ADAMTS20: variants seen among roughly 807,000 people sequenced by gnomAD.
ADAMTS20 encodes A disintegrin and metalloproteinase with thrombospondin motifs 20.
In ADAMTS20, 225 loss-of-function variants were observed where a neutral mutation model predicts 260.1. That is an observed-to-expected ratio of 0.87 (90% CI 0.78 to 0.97). The LOEUF is 0.97. Ranked by LOEUF, ADAMTS20 falls within the 50% of genes least tolerant of loss-of-function variation. The pLI is 0.00. For synonymous variants in ADAMTS20, 802 were observed against 769.5 expected (o/e 1.04, Z -0.70); for missense variants, 2,400 against 2,337.7 (o/e 1.03, Z -0.55).
In ADAMTS20 at chr12:43,460,988, A is replaced by ATTTT. The variant is rs1161740021; in HGVS notation, c.1614+1903_1614+1906dup. On this transcript the variant is annotated intron_variant, in intron 11 of 38. Coordinates refer to ENST00000389420, the MANE Select transcript of ADAMTS20 (RefSeq NM_025003.5). ...ATTATATATATATATATATATATAT[A>ATTTT]TTTTTTTTTTTTTTTTTTTTTTTGA... Among the ~76,000 whole-genome samples, 20 of 26,396 alleles carry ATTTT rather than the reference A, an allele frequency of 7.6e-4. 1 individual carries two copies. Among genetic ancestry groups the ATTTT allele is most frequent in the African/African-American group, 1.4e-3 (11 of 7,828 alleles). 17.3% of individuals were successfully genotyped at this position (26,396 alleles called of 152,430 possible). A position where few individuals can be genotyped will look rare whatever the true frequency, so the allele number is the denominator to read the frequency against.
chr12:43,480,835 G>A (rs1027105000), intron 7 of ADAMTS20, among the ~76,000 whole-genome samples: 6 of 152,216 alleles, frequency 3.9e-5, no homozygotes, highest in African/African-American at 1.4e-4. Flanking sequence ...AGGGAATGGG[G>A]AAGTTCTTAG....
intron 3 of ADAMTS20, among the ~76,000 whole-genome samples, chr12:43,519,464 A>T (rs576091604): frequency 3.3e-5 from 5 of 151,680 alleles, no homozygotes; most frequent in South Asian, 2.1e-4. Context: ...ATGAACAAAT[A>T]AAAAAAAACC....
At chr12:43,518,369 C>G (rs1399618731) in intron 3 of ADAMTS20, among the ~76,000 whole-genome samples, 1 of 152,118 alleles carries the variant, frequency 6.6e-6, no homozygotes, top group Non-Finnish European at 1.5e-5. Context: ...ATCAGTCCTA[C>G]CTTCTTGTAA....
chr12:43,550,845 C>G (rs1005152396), intron 2 of ADAMTS20, 64 bp downstream of exon 2: 8 of 1,457,586 alleles, frequency 5.5e-6, no homozygotes, highest in South Asian at 1.5e-5. Context: ...CCCAAGGCCC[C>G]GTTCGCTGAA....
chr12:43,520,055 A>T (rs1461305130), intron 3 of ADAMTS20, among the ~76,000 whole-genome samples: 1 of 152,206 alleles, frequency 6.6e-6, no homozygotes, highest in Non-Finnish European at 1.5e-5. Context: ...AGCCTGTATT[A>T]TATTTGCTAA....
downstream of ADAMTS20, among the ~76,000 whole-genome samples, chr12:43,353,026 C>T (rs183958267): frequency 9.9e-5 from 15 of 152,088 alleles, no homozygotes; most frequent in East Asian, 2.7e-3. Flanking sequence ...AAAAAAAGTA[C>T]ACTAGTATTC....
intron 28 of ADAMTS20, among the ~76,000 whole-genome samples, chr12:43,410,877 T>A (rs185309125): frequency 7.1e-4 from 108 of 152,356 alleles, no homozygotes; most frequent in Non-Finnish European, 1.3e-3. Context: ...TATTGTATTA[T>A]GTATGGCCTC....
intron 2 of ADAMTS20, among the ~76,000 whole-genome samples, chr12:43,538,274 T>C (rs1201659599): frequency 6.6e-6 from 1 of 152,236 alleles, no homozygotes; most frequent in Non-Finnish European, 1.5e-5. Flanking sequence ...ATCAATGATG[T>C]TGAGCATCTT....
intron 35 of ADAMTS20, 140 bp downstream of exon 35, chr12:43,375,917 T>C: frequency 3.1e-6 from 2 of 654,386 alleles, no homozygotes; most frequent in Non-Finnish European, 5.2e-6. Context: ...CAACATCTAG[T>C]TTAGGTCCTA....
At chr12:43,397,832 A>G (rs922106414) in intron 29 of ADAMTS20, among the ~76,000 whole-genome samples, 1 of 152,188 alleles carries the variant, frequency 6.6e-6, no homozygotes, top group Non-Finnish European at 1.5e-5. Context: ...CCAGCACATT[A>G]ACACTTGACA....
intron 7 of ADAMTS20, among the ~76,000 whole-genome samples, 158 bp downstream of exon 7, chr12:43,490,237 A>T (rs564460212): frequency 1.3e-5 from 2 of 152,184 alleles, no homozygotes; most frequent in South Asian, 4.1e-4. Context: ...TGTAAAATTT[A>T]CAGCAGCAGA....
At chr12:43,439,425 A>C (rs1788649185) in intron 18 of ADAMTS20, among the ~76,000 whole-genome samples, 197 bp downstream of exon 18, 1 of 152,244 alleles carries the variant, frequency 6.6e-6, no homozygotes, top group Non-Finnish European at 1.5e-5. Flanking sequence ...AGCATTAAAT[A>C]GTGCTGTTAA....
intron 38 of ADAMTS20, 38 bp downstream of exon 38, chr12:43,356,446 A>T (rs1939744290): frequency 8.9e-6 from 12 of 1,350,376 alleles, no homozygotes; most frequent in Non-Finnish European, 1.2e-5. Context: ...ATAGCTCAGA[A>T]GTATTTCAAA....
At chr12:43,524,568 G>GAAT (rs1452764002) in intron 3 of ADAMTS20, among the ~76,000 whole-genome samples, 2 of 151,558 alleles carry the variant, frequency 1.3e-5, no homozygotes, top group African/African-American at 4.8e-5. Flanking sequence ...TACTCAAGAA[G>GAAT]AAGAAAGGTG....
intron 18 of ADAMTS20, among the ~76,000 whole-genome samples, chr12:43,438,792 C>T (rs79372524): frequency 0.013 from 2,016 of 152,208 alleles, 48 homozygotes; most frequent in African/African-American, 0.047. Context: ...GAAAACTTTT[C>T]TTCCATTCTA....
intron 3 of ADAMTS20, among the ~76,000 whole-genome samples, chr12:43,515,880 A>C (rs1259692327): frequency 2.6e-5 from 4 of 152,212 alleles, no homozygotes; most frequent in Non-Finnish European, 5.9e-5. Flanking sequence ...ATTTTATTTT[A>C]TGCTACATCC....
intron 3 of ADAMTS20, among the ~76,000 whole-genome samples, chr12:43,521,996 A>C (rs1282643334): frequency 6.6e-6 from 1 of 152,110 alleles, no homozygotes; most frequent in African/African-American, 2.4e-5. Flanking sequence ...TTTCTAGGAA[A>C]AACAGAGAAA....
chr12:43,541,924 A>G (rs562561178), intron 2 of ADAMTS20, among the ~76,000 whole-genome samples: 2 of 152,330 alleles, frequency 1.3e-5, no homozygotes, highest in Non-Finnish European at 2.9e-5. Flanking sequence ...TTTAAAAGGG[A>G]CTGCTCTCCT....
At chr12:43,466,848 T>TA (rs1942163522) in intron 8 of ADAMTS20, 53 bp from the exon 9 acceptor site, 1 of 1,309,028 alleles carries the variant, frequency 7.6e-7, no homozygotes, top group Admixed American at 2.0e-5. Flanking sequence ...CTTACGATAT[T>TA]AGTAATAGAT....
Sources: allele counts gnomAD v4.1 joint callset (sites outside exome capture counted in the v4.1 genomes callset), GRCh38; gene constraint gnomAD v4.1.1; transcripts MANE v1.5; gene names NCBI Gene and HGNC (gene_info 2026-07-23, HGNC 2026-07-21).